Variants in CCBE1 observed in about 807,000 individuals in gnomAD.
CCBE1 encodes the protein collagen and calcium-binding EGF domain-containing protein 1.
Under a neutral mutation model 50.0 loss-of-function variants are expected in CCBE1, and 37 were observed. The ratio of observed to expected loss-of-function variants is 0.74; its 90% confidence interval spans 0.57 to 0.97. The LOEUF is 0.97. Ranked by LOEUF, CCBE1 falls within the 50% of genes least tolerant of loss-of-function variation. The pLI, the probability that CCBE1 is intolerant of heterozygous loss-of-function variation, is 0.00. For synonymous variants in CCBE1, 234 were observed against 203.7 expected (o/e 1.15, Z -1.27); for missense variants, 538 against 523.8 (o/e 1.03, Z -0.26).
At chr18:59,655,168 T>C (rs556957972) in intron 2 of CCBE1, among the ~76,000 whole-genome samples, 1 of 150,990 alleles carries the variant, frequency 6.6e-6, no homozygotes, top group Admixed American at 6.6e-5. Context: ...AGAGTAAGCA[T>C]CCTCATCTGA....
intron 1 of CCBE1, among the ~76,000 whole-genome samples, chr18:59,697,001 GAC>G (rs1216373190): frequency 6.6e-6 from 1 of 152,214 alleles, no homozygotes; most frequent in Admixed American, 6.5e-5. Flanking sequence ...GGGTATCCCT[GAC>G]GCGACCCACG....
chr18:59,642,346 G>T (rs2054000922), intron 2 of CCBE1, among the ~76,000 whole-genome samples: 1 of 152,144 alleles, frequency 6.6e-6, no homozygotes, highest in South Asian at 2.1e-4. Context: ...TGTCCAGAAG[G>T]TGAAATAATG....
chr18:59,468,715 T>C (rs559487917), intron 4 of CCBE1, among the ~76,000 whole-genome samples: 1 of 152,332 alleles, frequency 6.6e-6, no homozygotes, highest in South Asian at 2.1e-4. Context: ...CTCTGGCAGT[T>C]CATCCTCCAG....
intron 6 of CCBE1, 95 bp from the exon 7 acceptor site, chr18:59,448,198 A>G (rs977305555): frequency 1.9e-6 from 3 of 1,540,364 alleles, no homozygotes; most frequent in Admixed American, 1.8e-5. Context: ...CCTTTTCATG[A>G]GACATATGTA....
chr18:59,510,549 G>A (rs1292945012), intron 2 of CCBE1, among the ~76,000 whole-genome samples: 1 of 152,084 alleles, frequency 6.6e-6, no homozygotes, highest in Non-Finnish European at 1.5e-5. Context: ...AGCGTCTCAA[G>A]TAGCTGGGAT....
At chr18:59,686,463 G>A (rs1459352605) in intron 2 of CCBE1, among the ~76,000 whole-genome samples, 1 of 152,212 alleles carries the variant, frequency 6.6e-6, no homozygotes, top group Non-Finnish European at 1.5e-5. Context: ...GCACCTGCGT[G>A]TGACCTTGAC....
intron 9 of CCBE1, 124 bp from the exon 10 acceptor site, chr18:59,438,270 A>C: frequency 1.1e-6 from 1 of 923,392 alleles, no homozygotes; most frequent in Admixed American, 2.0e-5. Context: ...TATAGAAAAC[A>C]TATGTAAAAC....
intron 2 of CCBE1, among the ~76,000 whole-genome samples, chr18:59,662,548 G>A (rs1008094361): frequency 5.9e-5 from 9 of 152,136 alleles, no homozygotes; most frequent in African/African-American, 2.2e-4. Flanking sequence ...GCCTAGAGGG[G>A]GGAAATTACA....
intron 2 of CCBE1, among the ~76,000 whole-genome samples, chr18:59,583,871 G>A (rs1409965299): frequency 2.0e-5 from 3 of 152,104 alleles, no homozygotes; most frequent in African/African-American, 7.2e-5. Flanking sequence ...ATCCTCTGTG[G>A]AGAAACAGCA....
upstream of CCBE1, chr18:59,697,643 T>C: frequency 2.7e-6 from 1 of 371,322 alleles, no homozygotes; most frequent in South Asian, 3.2e-5. Context: ...TCACGTCCGA[T>C]TGACAGACTT....
intron 2 of CCBE1, among the ~76,000 whole-genome samples, chr18:59,582,890 G>T (rs1231498143): frequency 6.6e-6 from 1 of 152,154 alleles, no homozygotes; most frequent in Non-Finnish European, 1.5e-5. Context: ...ATAGCTCACT[G>T]CAGCCTCCAG....
intron 2 of CCBE1, 176 bp downstream of exon 2, chr18:59,696,453 T>C (rs1323302536): frequency 1.4e-6 from 2 of 1,471,826 alleles, no homozygotes; most frequent in Non-Finnish European, 1.8e-6. Context: ...AGTGTTGCTC[T>C]GACTCCGATC....
At chr18:59,657,365 G>A (rs888164662) in intron 2 of CCBE1, among the ~76,000 whole-genome samples, 1 of 152,196 alleles carries the variant, frequency 6.6e-6, no homozygotes, top group African/African-American at 2.4e-5. Context: ...CACACTTAAA[G>A]GGAGAAGGGA....
intron 2 of CCBE1, among the ~76,000 whole-genome samples, chr18:59,586,795 A>T (rs768584973): frequency 1.3e-5 from 2 of 152,238 alleles, no homozygotes; most frequent in Admixed American, 6.5e-5. Context: ...CATAAAAATT[A>T]TAAAAGCTTA....
chr18:59,663,378 T>A (rs1245373028), intron 2 of CCBE1, among the ~76,000 whole-genome samples: 1 of 152,194 alleles, frequency 6.6e-6, no homozygotes, highest in Non-Finnish European at 1.5e-5. Context: ...AGTCAACATA[T>A]GTCCTGATTT....
At chr18:59,615,096 A>T (rs1167700165) in intron 2 of CCBE1, among the ~76,000 whole-genome samples, 1 of 152,152 alleles carries the variant, frequency 6.6e-6, no homozygotes, top group Non-Finnish European at 1.5e-5. Context: ...TGCCCTGTCG[A>T]TGGAGACCAG....
chr18:59,695,716 T>C (rs2054795957), intron 2 of CCBE1, among the ~76,000 whole-genome samples: 1 of 152,212 alleles, frequency 6.6e-6, no homozygotes, highest in South Asian at 2.1e-4. Context: ...TAGGGACTGC[T>C]GCGTTACCTT....
At chr18:59,490,108 T>G (rs531878328) in intron 2 of CCBE1, among the ~76,000 whole-genome samples, 1 of 149,348 alleles carries the variant, frequency 6.7e-6, no homozygotes, top group South Asian at 2.2e-4. Flanking sequence ...TGCCCCATCC[T>G]CCTGGGTAGC....
At chr18:59,578,544 A>G (rs2053035251) in intron 2 of CCBE1, among the ~76,000 whole-genome samples, 1 of 152,234 alleles carries the variant, frequency 6.6e-6, no homozygotes, top group Non-Finnish European at 1.5e-5. Context: ...CTTGGAACCA[A>G]CCCAAATGCC....
Sources: allele counts gnomAD v4.1 joint callset (sites outside exome capture counted in the v4.1 genomes callset), GRCh38; gene constraint gnomAD v4.1.1; transcripts MANE v1.5; gene names NCBI Gene and HGNC (gene_info 2026-07-23, HGNC 2026-07-21).